HECTD4: variants seen among roughly 807,000 people sequenced by gnomAD.
HECTD4 encodes the protein probable E3 ubiquitin-protein ligase HECTD4.
In HECTD4, 114 loss-of-function variants were observed where a neutral mutation model predicts 471.5. The ratio of observed to expected loss-of-function variants is 0.24; its 90% confidence interval spans 0.21 to 0.28. HECTD4 has a LOEUF of 0.28. HECTD4 is among the 10% of genes least tolerant of loss of function. HECTD4 has a pLI of 1.00. For synonymous variants in HECTD4, 2,012 were observed against 2,256.0 expected, an observed-to-expected ratio of 0.89 and a Z score of 3.07; for missense variants, 3,866 against 5,651.5, an observed-to-expected ratio of 0.68 and a Z score of 10.13.
At chr12:112,264,311 AAG>A (rs1333189659) in intron 16 of HECTD4, 99 bp from the exon 17 acceptor site, 1 of 1,179,500 alleles carries the variant, frequency 8.5e-7, no homozygotes, top group Non-Finnish European at 1.1e-6. Flanking sequence ...AGAAAACAAA[AAG>A]AGAAATAAAA....
chr12:112,265,764 A>G (rs907861439), intron 15 of HECTD4, 114 bp downstream of exon 15: 11 of 727,586 alleles, frequency 1.5e-5, no homozygotes, highest in Non-Finnish European at 2.6e-5. Context: ...TAGGTTTAAC[A>G]TGCTAACGAT....
rs1313830058 is a variant in HECTD4 at position 112,319,208 on chromosome 12, C to T, written c.695+17G>A. The T allele has an allele frequency of 5.9e-6, 9 of 1,535,466 alleles. No individual in the cohort carries two copies. In the Admixed American group the frequency reaches 1.8e-4, roughly 30 times the overall value. ...GTAGTCACAAGGTCACCAAATGATA[C>T]ATTCGATTTTCCTTACCTGGCACAA... is the stretch of plus-strand genomic sequence containing the variant. On this transcript the variant is annotated intron_variant, in intron 2 of 75. Coordinates refer to ENST00000682272, the MANE Select transcript of HECTD4 (RefSeq NM_001388303.1). This position sits in a 1 kb window ranked among gnomAD's most constrained non-coding sequence, Gnocchi z 5.3.
At chr12:112,282,754 GT>G (rs2034671614) in intron 8 of HECTD4, among the ~76,000 whole-genome samples, 1 of 152,176 alleles carries the variant, frequency 6.6e-6, no homozygotes, top group Non-Finnish European at 1.5e-5. Flanking sequence ...AGGCTTTTCT[GT>G]TATTTGCTTG....
At chr12:112,226,473 T>G in intron 44 of HECTD4, 170 bp downstream of exon 44, 2 of 444,246 alleles carry the variant, frequency 4.5e-6, no homozygotes, top group Non-Finnish European at 8.0e-6. Flanking sequence ...TAAAAGCTTT[T>G]TATTTACATT....
intron 7 of HECTD4, among the ~76,000 whole-genome samples, chr12:112,297,123 G>A (rs373799010): frequency 1.3e-5 from 2 of 151,544 alleles, no homozygotes; most frequent in East Asian, 1.9e-4. Context: ...GTGGATGTAG[G>A]TGCAGAGGGT....
chr12:112,245,585 T>C (rs2033743398), intron 29 of HECTD4, among the ~76,000 whole-genome samples: 1 of 152,190 alleles, frequency 6.6e-6, no homozygotes. Flanking sequence ...CTGGGAGTCC[T>C]CCTAGACTTC....
chr12:112,319,500 G>C lies in HECTD4; in HGVS notation c.420C>G (p.Pro140=). The C allele has an allele frequency of 1.3e-6, 2 of 1,495,518 alleles. No individual in the cohort carries two copies. Among genetic ancestry groups the C allele is most frequent in the Non-Finnish European group, 8.9e-7 (1 of 1,126,204 alleles). The allele number at this position is 1,495,518 out of a possible 1,614,324, so 92.6% of individuals were successfully genotyped here. The change falls in exon 2 of 76, where the codon CCC becomes CCG. Residue 140 remains proline (P), a synonymous_variant. Coordinates refer to ENST00000682272, the MANE Select transcript of HECTD4 (RefSeq NM_001388303.1). The surrounding 1 kb of genome is among the most constrained non-coding windows in gnomAD (Gnocchi z 5.3). Reference sequence around the variant, plus strand: ...GCAGGAGCCCCATCCTCGATGTGAAGGGCGCTTGCTCAGGTTGCTGCAACA... The same window carrying C: ...GCAGGAGCCCCATCCTCGATGTGAACGGCGCTTGCTCAGGTTGCTGCAACA... ...QGLLQQPEQA[P]FTSRMGLLLV...
chr12:112,192,868 C>T, intron 58 of HECTD4, 103 bp from the exon 59 acceptor site: 1 of 1,224,276 alleles, frequency 8.2e-7, no homozygotes, highest in Non-Finnish European at 1.1e-6. Context: ...AGAACTGGGC[C>T]CAAGTCATTT....
intron 60 of HECTD4, among the ~76,000 whole-genome samples, chr12:112,190,410 C>T (rs2032038687): frequency 6.6e-6 from 1 of 152,160 alleles, no homozygotes; most frequent in Non-Finnish European, 1.5e-5. Context: ...CTTTTTGACC[C>T]TTTGAGGAAC....
intron 1 of HECTD4, among the ~76,000 whole-genome samples, chr12:112,352,146 A>G (rs958650323): frequency 6.6e-6 from 1 of 152,178 alleles, no homozygotes. Context: ...GCTCTTGCAC[A>G]TAAGAACGTT....
chr12:112,215,496 T>C (rs910710233), intron 48 of HECTD4, among the ~76,000 whole-genome samples: 1 of 152,162 alleles, frequency 6.6e-6, no homozygotes, highest in Non-Finnish European at 1.5e-5. Context: ...ACTATACAGA[T>C]CTAGTTATTT....
intron 1 of HECTD4, among the ~76,000 whole-genome samples, chr12:112,378,523 G>A (rs905593073): frequency 5.9e-5 from 9 of 151,848 alleles, no homozygotes; most frequent in African/African-American, 1.7e-4. Context: ...TGCGACCGGC[G>A]TAAAATTCTA....
At chr12:112,315,925 C>T (rs2035470027) in intron 2 of HECTD4, among the ~76,000 whole-genome samples, 1 of 148,676 alleles carries the variant, frequency 6.7e-6, no homozygotes, top group African/African-American at 2.5e-5. Flanking sequence ...AAAAGAGAGA[C>T]AGGGTCTCAT....
In HECTD4 at chr12:112,265,079, G is replaced by T. The variant is rs568833036; in HGVS notation, c.2619+96C>A. 43 of 1,154,610 alleles carry T rather than the reference G, an allele frequency of 3.7e-5. No homozygotes were observed. In the African/African-American group the frequency reaches 5.5e-4, roughly 15 times the overall value. The allele number at this position is 1,154,610 out of a possible 1,614,324, so 71.5% of individuals were successfully genotyped here. A position where few individuals can be genotyped will look rare whatever the true frequency, so the allele number is the denominator to read the frequency against. On this transcript the variant is annotated intron_variant, in intron 16 of 75. Coordinates refer to ENST00000682272, the MANE Select transcript of HECTD4 (RefSeq NM_001388303.1). The stretch of plus-strand genomic sequence containing the variant: ...TGCGCCCGGCCTTTCATAAATTATT[G>T]TAAGTCTGTATGTATACACACACCT...
intron 68 of HECTD4, 48 bp from the exon 69 acceptor site, chr12:112,170,500 C>T (rs1221318317): frequency 6.3e-7 from 1 of 1,597,938 alleles, no homozygotes; most frequent in Admixed American, 1.7e-5. Flanking sequence ...TTGTCCCTTC[C>T]TTCCCAGTCC....
intron 1 of HECTD4, among the ~76,000 whole-genome samples, chr12:112,359,092 C>A (rs190169959): frequency 6.6e-6 from 1 of 151,590 alleles, no homozygotes; most frequent in South Asian, 2.1e-4. Flanking sequence ...AGGAGAATGG[C>A]GTGAATGCGG....
At chr12:112,308,538 T>C (rs2135684938) in intron 6 of HECTD4, among the ~76,000 whole-genome samples, 1 of 151,732 alleles carries the variant, frequency 6.6e-6, no homozygotes, top group East Asian at 1.9e-4. Flanking sequence ...AAGTTTGTTG[T>C]AGGCTGCAGA....
intron 6 of HECTD4, among the ~76,000 whole-genome samples, chr12:112,308,442 A>G (rs1450307911): frequency 6.7e-6 from 1 of 148,262 alleles, no homozygotes; most frequent in Non-Finnish European, 1.5e-5. Context: ...AAGCAAAAAA[A>G]AAAACAAAAA....
chr12:112,181,514 G>C (rs1278648268), intron 62 of HECTD4, among the ~76,000 whole-genome samples: 1 of 152,120 alleles, frequency 6.6e-6, no homozygotes, highest in Non-Finnish European at 1.5e-5. Flanking sequence ...CCAGGTTGGA[G>C]TGCAGTGGCG....
Sources: gnomAD v4.1 joint callset for allele counts (sites outside exome capture counted in the v4.1 genomes callset) on GRCh38, gnomAD v4.1.1 for gene constraint, Gnocchi (gnomAD v3.1) non-coding constraint, MANE v1.5 for transcripts, NCBI Gene and HGNC (gene_info 2026-07-23, HGNC 2026-07-21) for gene names.